CCNYL1: variants seen among roughly 807,000 people sequenced by gnomAD.
The protein encoded by CCNYL1 is cyclin Y like 1.
A neutral mutation model predicts 44.2 loss-of-function variants in CCNYL1; 16 were observed. That is an observed-to-expected ratio of 0.36 (90% CI 0.25 to 0.55). CCNYL1 has a LOEUF of 0.55. Among genes scored for constraint, CCNYL1 ranks in the 20% least tolerant of loss-of-function variants. The probability of loss-of-function intolerance (pLI) is 0.85; values close to 1 mark genes in which losing one functional copy is unlikely to be tolerated. For synonymous variants in CCNYL1, 159 were observed against 163.2 expected (o/e 0.97, Z 0.20); for missense variants, 348 against 451.8 (o/e 0.77, Z 2.08).
chr2:207,740,662 A>G lies in CCNYL1; in HGVS notation c.475A>G (p.Asn159Asp). The G allele has an allele frequency of 6.3e-7, 1 of 1,593,998 alleles. No homozygotes were observed. The highest frequency in any genetic ancestry group is 8.6e-7 in the Non-Finnish European group (1 of 1,162,708). ...CATATTCTTATTTTATAGAGATGCA[A>G]ATAGATCCCTGGATATTTTTGATGA... Reference protein sequence around the residue: ...IYYHIKNRDANRSLDIFDERS... With the variant: ...IYYHIKNRDADRSLDIFDERS... Residue 159 changes from asparagine (N) to aspartate (D), a missense_variant, in exon 6 of 10, where the codon AAT (asparagine) becomes GAT (aspartate). Coordinates refer to ENST00000295414, the MANE Select transcript of CCNYL1 (RefSeq NM_001330218.2).
chr2:207,748,643 G>T lies in CCNYL1; in HGVS notation c.806+1430G>T, dbSNP rs188767042. ...GAAGATCAAGGTCATGACAGGCAGT[G>T]GCAAGAGTTTGTTTTTATTGCCTTT... On this transcript the variant is annotated intron_variant, in intron 8 of 9. Transcript: ENST00000295414. Among the ~76,000 whole-genome samples, 49 of 152,268 alleles carry T rather than the reference G, an allele frequency of 3.2e-4. 1 individual carries two copies. The East Asian group carries it at 9.3e-3, about 29-fold the overall frequency.
At chr2:207,735,560 G>C (rs1434952751) in intron 4 of CCNYL1, among the ~76,000 whole-genome samples, 6 of 152,080 alleles carry the variant, frequency 3.9e-5, no homozygotes, top group Non-Finnish European at 8.8e-5. Flanking sequence ...ATCATCACCA[G>C]GGGAACTTTA....
chr2:207,727,199 T>A (rs1396678153), intron 3 of CCNYL1, among the ~76,000 whole-genome samples: 3 of 152,216 alleles, frequency 2.0e-5, no homozygotes, highest in Admixed American at 1.3e-4. Context: ...CTAAGTTCAT[T>A]TTTAGCACTA....
chr2:207,712,372 C>T (rs2091556551), intron 1 of CCNYL1, among the ~76,000 whole-genome samples: 1 of 152,240 alleles, frequency 6.6e-6, no homozygotes, highest in African/African-American at 2.4e-5. Flanking sequence ...GTGGGACCCT[C>T]TAGTCCGCCG....
At chr2:207,723,156 A>G (rs1053294191) in intron 1 of CCNYL1, among the ~76,000 whole-genome samples, 1 of 152,208 alleles carries the variant, frequency 6.6e-6, no homozygotes, top group Non-Finnish European at 1.5e-5. Context: ...AGTTTAAAAA[A>G]GTTGAGTGAA....
At chr2:207,742,605 T>C (rs2091819824) in intron 7 of CCNYL1, among the ~76,000 whole-genome samples, 1 of 152,172 alleles carries the variant, frequency 6.6e-6, no homozygotes, top group Non-Finnish European at 1.5e-5. Context: ...TCAATGCACA[T>C]GTACACATTC....
chr2:207,724,187 G>T (rs930206525), intron 1 of CCNYL1, among the ~76,000 whole-genome samples: 3 of 152,084 alleles, frequency 2.0e-5, no homozygotes, highest in Non-Finnish European at 4.4e-5. Context: ...GAGGGCAAAC[G>T]TTAATCATTT....
In CCNYL1 at chr2:207,729,250, G is replaced by C. The variant is rs867835250; in HGVS notation, c.330+2374G>C. Among the ~76,000 whole-genome samples, 229 of 68,144 alleles carry C rather than the reference G, an allele frequency of 3.4e-3. 2 individuals are homozygous for C. Among genetic ancestry groups the C allele is most frequent in the African/African-American group, 0.018 (205 of 11,282 alleles). The allele number at this position is 68,144 out of a possible 152,430, so 44.7% of individuals were successfully genotyped here. Reference sequence around the variant, plus strand: ...TCTGCATTGATCTTTACTTGTCTCCGCCCCCCCCCGCCCCCACCCCACCCC... The same window carrying C: ...TCTGCATTGATCTTTACTTGTCTCCCCCCCCCCCCGCCCCCACCCCACCCC... On this transcript the variant is annotated intron_variant, in intron 3 of 9. Coordinates refer to ENST00000295414, the MANE Select transcript of CCNYL1 (RefSeq NM_001330218.2).
Position 207,754,191 on chromosome 2 carries a change from A to T in CCNYL1, c.*493A>T, listed in dbSNP as rs557616076. 6.8e-6 allele frequency: 1 copy of T among 146,802 alleles called. No individual in the cohort carries two copies. Among genetic ancestry groups the T allele is most frequent in the African/African-American group, 2.6e-5 (1 of 38,686 alleles). 9.1% of individuals were successfully genotyped at this position (146,802 alleles called of 1,614,324 possible). A position where few individuals can be genotyped will look rare whatever the true frequency, so the allele number is the denominator to read the frequency against. On this transcript the variant is annotated 3_prime_UTR_variant, in exon 10 of 10. Transcript: ENST00000295414. ...CTTAGGAGCAGACAGCAGCGTTGTT[A>T]GGTACTGAAGGGTTCTTCCTCCCTA...
At chr2:207,748,451 C>T (rs1264505900) in intron 8 of CCNYL1, among the ~76,000 whole-genome samples, 1 of 152,158 alleles carries the variant, frequency 6.6e-6, no homozygotes, top group Non-Finnish European at 1.5e-5. Flanking sequence ...AGGCTGGCCT[C>T]GTGTCGGCCG....
intron 7 of CCNYL1, among the ~76,000 whole-genome samples, chr2:207,745,687 G>A (rs1342716776): frequency 6.6e-6 from 1 of 152,106 alleles, no homozygotes; most frequent in African/African-American, 2.4e-5. Context: ...AGTGGCTCAC[G>A]CCTGTAATCC....
chr2:207,725,405 G>A (rs1461110666), intron 2 of CCNYL1, among the ~76,000 whole-genome samples: 6 of 152,192 alleles, frequency 3.9e-5, no homozygotes, highest in African/African-American at 1.2e-4. Flanking sequence ...GATTACAGGC[G>A]TGAGCCATCT....
intron 4 of CCNYL1, among the ~76,000 whole-genome samples, chr2:207,734,365 T>C (rs1397403059): frequency 6.6e-6 from 1 of 152,246 alleles, no homozygotes; most frequent in Admixed American, 6.5e-5. Context: ...ATTGGATGTT[T>C]CTGGAAAAAC....
At chr2:207,717,990 C>T (rs1283479572) in intron 1 of CCNYL1, among the ~76,000 whole-genome samples, 2 of 151,330 alleles carry the variant, frequency 1.3e-5, no homozygotes, top group African/African-American at 4.9e-5. Context: ...CTGCAACCTC[C>T]GCCTCCTGGG....
At chr2:207,735,910 C>T (rs935708234) in intron 4 of CCNYL1, among the ~76,000 whole-genome samples, 3 of 152,028 alleles carry the variant, frequency 2.0e-5, no homozygotes, top group Non-Finnish European at 4.4e-5. Context: ...AAAAAACACT[C>T]CTCATGCCCC....
rs1458157276 is a variant in CCNYL1, at chr2:207,712,033, C to T, written c.137C>T (p.Ala46Val). Residue 46 changes from alanine (A) to valine (V), a missense_variant, in exon 1 of 10, where the codon GCT becomes GTT. Ala to Val is a moderately conservative substitution (Grantham distance 64). Around this residue, in one of 3 missense-constraint regions of CCNYL1, gnomAD observed 209 missense variants for 247.7 expected, o/e 0.84. Transcript: ENST00000295414. ...GGGGACGCGGTGGCGGTAGCGCCCG[C>T]TGTGGTGGAGCCTGCCGAGTTGGAT... Reference protein sequence around the residue: ...VSGDAVAVAPAVVEPAELDFG... With the variant: ...VSGDAVAVAPVVVEPAELDFG... The T allele has an allele frequency of 2.0e-6, 3 of 1,521,794 alleles. No homozygotes were observed. Among genetic ancestry groups the T allele is most frequent in the Admixed American group, 2.0e-5 (1 of 49,084 alleles). 94.3% of individuals were successfully genotyped at this position (1,521,794 alleles called of 1,614,324 possible).
chr2:207,734,165 A>G, intron 4 of CCNYL1, 118 bp downstream of exon 4: 1 of 593,284 alleles, frequency 1.7e-6, no homozygotes, highest in Non-Finnish European at 3.1e-6. Flanking sequence ...AGTTTAAGAA[A>G]TCGGTGTCAA....
chr2:207,734,169 G>T (rs2091748310), intron 4 of CCNYL1, 122 bp downstream of exon 4: 1 of 591,966 alleles, frequency 1.7e-6, no homozygotes. Flanking sequence ...TAAGAAATCG[G>T]TGTCAACTAT....
At chr2:207,729,908 G>T (rs2105827006) in intron 3 of CCNYL1, among the ~76,000 whole-genome samples, 1 of 151,880 alleles carries the variant, frequency 6.6e-6, no homozygotes, top group African/African-American at 2.4e-5. Context: ...TAGAGACAGG[G>T]TTTTGCCGTA....
Sources: gnomAD v4.1 joint callset for allele counts (sites outside exome capture counted in the v4.1 genomes callset) on GRCh38, gnomAD v4.1.1 for gene constraint, gnomAD v4.1.1 regional missense constraint, MANE v1.5 for transcripts, NCBI Gene and HGNC (gene_info 2026-07-23, HGNC 2026-07-21) for gene names.